Variants in LYG1 observed in about 807,000 individuals in gnomAD.
LYG1 encodes lysozyme g-like protein 1.
LYG1 carries 17 observed loss-of-function variants against 21.7 expected under a neutral mutation model. That is an observed-to-expected ratio of 0.78 (90% CI 0.54 to 1.18). The LOEUF is 1.18. Among genes scored for constraint, LYG1 ranks in the 50% most tolerant of loss-of-function variants. The probability of loss-of-function intolerance (pLI) is 0.00; values close to 1 mark genes in which losing one functional copy is unlikely to be tolerated. For missense variants in LYG1, 211 were observed against 238.1 expected, an observed-to-expected ratio of 0.89 and a Z score of 0.75; for synonymous variants, 81 against 87.4, an observed-to-expected ratio of 0.93 and a Z score of 0.41.
intron 3 of LYG1, among the ~76,000 whole-genome samples, chr2:99,293,219 T>G (rs1401428416): frequency 6.6e-6 from 1 of 152,136 alleles, no homozygotes; most frequent in Non-Finnish European, 1.5e-5. Flanking sequence ...CTCGAACTCT[T>G]GACCTCAAGT....
chr2:99,291,474 A>C, intron 4 of LYG1, 53 bp from the exon 5 acceptor site: 2 of 1,556,934 alleles, frequency 1.3e-6, no homozygotes, highest in Non-Finnish European at 1.8e-6. Context: ...ATGCTGCAAC[A>C]GGAGCTCAAG....
At chr2:99,297,264 C>G (rs182930138) in intron 2 of LYG1, among the ~76,000 whole-genome samples, 268 of 152,254 alleles carry the variant, frequency 1.8e-3, no homozygotes, top group African/African-American at 6.2e-3. Flanking sequence ...TATTCAGCAT[C>G]CTGAGCCTCC....
chr2:99,296,071 C>G (rs2094135340), intron 2 of LYG1, among the ~76,000 whole-genome samples: 1 of 151,800 alleles, frequency 6.6e-6, no homozygotes, highest in Non-Finnish European at 1.5e-5. Flanking sequence ...ATCCCAAGAG[C>G]CTTTTTATTA....
At chr2:99,298,705 T>C (rs946417677) in intron 1 of LYG1, among the ~76,000 whole-genome samples, 156 bp from the exon 2 acceptor site, 1 of 152,132 alleles carries the variant, frequency 6.6e-6, no homozygotes, top group African/African-American at 2.4e-5. Context: ...CACCTCAACG[T>C]GCCCAATGAA....
At chr2:99,298,029 G>A (rs1241792093) in intron 2 of LYG1, among the ~76,000 whole-genome samples, 1 of 152,166 alleles carries the variant, frequency 6.6e-6, no homozygotes, top group Non-Finnish European at 1.5e-5. Flanking sequence ...ATTCTTAAAT[G>A]GATGAACAAT....
At position 99,284,677 on chromosome 2, in the gene LYG1, G is replaced by A. The variant is rs201770580; in HGVS notation, c.466+11C>T. ...GTGCTTGAGACAACTGACTGATAGC[G>A]TTACACGTACCTCTCAGGTACTGGT... is the stretch of plus-strand genomic sequence containing the variant. On this transcript the variant is annotated intron_variant, in intron 6 of 6. Transcript: ENST00000308528. 5.3e-5 allele frequency: 85 copies of A among 1,613,212 alleles called. No individual in the cohort carries two copies. The highest frequency in any genetic ancestry group is 6.7e-5 in the Non-Finnish European group (79 of 1,179,428).
chr2:99,294,099 A>C (rs570764060), intron 3 of LYG1, among the ~76,000 whole-genome samples: 1 of 152,036 alleles, frequency 6.6e-6, no homozygotes, highest in Non-Finnish European at 1.5e-5. Context: ...TTTTTTGAAG[A>C]GATGGGGTTT....
intron 3 of LYG1, 146 bp downstream of exon 3, chr2:99,295,482 G>A (rs1169236213): frequency 2.1e-6 from 2 of 953,786 alleles, no homozygotes; most frequent in African/African-American, 1.6e-5. Flanking sequence ...GATTGTTGGT[G>A]GCTGTTCCTA....
chr2:99,292,491 G>T, intron 4 of LYG1, 45 bp downstream of exon 4: 2 of 1,428,866 alleles, frequency 1.4e-6, no homozygotes, highest in Non-Finnish European at 2.0e-6. Flanking sequence ...ATGGGAAACA[G>T]TGAAAGCCGG....
chr2:99,295,748 C>G (rs1328416012), intron 2 of LYG1, 46 bp from the exon 3 acceptor site: 2 of 1,540,668 alleles, frequency 1.3e-6, no homozygotes, highest in African/African-American at 1.4e-5. Context: ...TATCAGTCAT[C>G]ATCATAACCA....
intron 5 of LYG1, among the ~76,000 whole-genome samples, chr2:99,287,040 T>C (rs1356361602): frequency 6.6e-6 from 1 of 152,234 alleles, no homozygotes; most frequent in Non-Finnish European, 1.5e-5. Context: ...ATTTCACTTA[T>C]ATGAGGTATC....
chr2:99,302,036 A>G (rs1227362794), upstream of LYG1, among the ~76,000 whole-genome samples: 2 of 152,154 alleles, frequency 1.3e-5, no homozygotes, highest in Admixed American at 6.5e-5. Context: ...GCTCAGCTGA[A>G]CAGCTTGATT....
At chr2:99,294,895 A>G (rs966856467) in intron 3 of LYG1, among the ~76,000 whole-genome samples, 2 of 152,164 alleles carry the variant, frequency 1.3e-5, no homozygotes, top group Non-Finnish European at 2.9e-5. Flanking sequence ...CGAGGTCAAG[A>G]GTTTGAGACC....
Position 99,291,316 on chromosome 2 carries a change from A to C in LYG1, c.254T>G (p.Val85Gly). The stretch of plus-strand genomic sequence containing the variant: ...CTTCCTGGACAAGACACCAGCGATC[A>C]CGGCAGGATCCATGCAGTACTTTTG... ...IGQKYCMDPA[V>G]IAGVLSRKSP... The change falls in exon 5 of 7, where the codon GTG becomes GGG. Residue 85 changes from valine (V) to glycine (G), a missense_variant. Val to Gly is a moderately radical substitution (Grantham distance 109). Coordinates refer to ENST00000308528, the MANE Select transcript of LYG1 (RefSeq NM_174898.3). The C allele has an allele frequency of 5.0e-6, 8 of 1,613,562 alleles. No homozygotes were observed. Among genetic ancestry groups the C allele is most frequent in the Non-Finnish European group, 6.8e-6 (8 of 1,179,652 alleles).
intron 1 of LYG1, among the ~76,000 whole-genome samples, chr2:99,300,429 A>G (rs2094150747): frequency 6.6e-6 from 1 of 152,146 alleles, no homozygotes; most frequent in South Asian, 2.1e-4. Flanking sequence ...TTCCCCGTGA[A>G]CGTTTCCTTC....
In LYG1 at chr2:99,284,692, CAG is replaced by C; in HGVS notation, c.460_461del (p.Leu154GlufsTer23). The C allele has an allele frequency of 6.2e-7, 1 of 1,614,124 alleles. No individual in the cohort carries two copies. Among genetic ancestry groups the C allele is most frequent in the Non-Finnish European group, 8.5e-7 (1 of 1,179,986 alleles). ...GACTGATAGCGTTACACGTACCTCTCAGGTACTGGTCAGGGGTCCAGGTTGGA... is the reference window on the plus strand; with the variant it reads ...GACTGATAGCGTTACACGTACCTCTCGTACTGGTCAGGGGTCCAGGTTGGA... ...RFPTWTPDQY[L>X]RGGLCAYSGG... On this transcript the variant is annotated frameshift_variant, in exon 6 of 7. Transcript: ENST00000308528. LOFTEE classifies it high-confidence loss of function.
intron 3 of LYG1, among the ~76,000 whole-genome samples, chr2:99,294,183 G>A (rs1447823897): frequency 6.6e-6 from 1 of 151,986 alleles, no homozygotes; most frequent in Non-Finnish European, 1.5e-5. Flanking sequence ...CAAAGTTCTG[G>A]GATTACAGGC....
chr2:99,299,276 CTTTTTTTCTTTTTT>C (rs1416688990), intron 1 of LYG1, among the ~76,000 whole-genome samples: 4 of 142,702 alleles, frequency 2.8e-5, no homozygotes, highest in African/African-American at 7.7e-5. Flanking sequence ...TTTTCTTTTT[CTTTTTTTCTTTTTT>C]TTTTTTTTTT....
intron 1 of LYG1, 103 bp downstream of exon 1, chr2:99,300,943 ATTTC>A (rs1210461098): frequency 8.0e-6 from 1 of 124,230 alleles, no homozygotes; most frequent in East Asian, 2.2e-4. Flanking sequence ...TGAGTCCAAT[ATTTC>A]TTATGCAGCA....
Sources: allele counts gnomAD v4.1 joint callset (sites outside exome capture counted in the v4.1 genomes callset), GRCh38; gene constraint gnomAD v4.1.1; transcripts MANE v1.5; gene names NCBI Gene and HGNC (gene_info 2026-07-23, HGNC 2026-07-21).